The following TTC12 variants were observed in gnomAD, a reference collection of about 807,000 sequenced individuals.
TTC12 encodes the protein tetratricopeptide repeat protein 12.
Under a neutral mutation model 90.1 loss-of-function variants are expected in TTC12, and 70 were observed. The ratio of observed to expected loss-of-function variants is 0.78; its 90% CI spans 0.64 to 0.95. The LOEUF is 0.95. Among genes scored for constraint, TTC12 ranks in the 40% least tolerant of loss-of-function variants. The probability of loss-of-function intolerance (pLI) is 0.00; values close to 1 mark genes in which losing one functional copy is unlikely to be tolerated. For missense variants in TTC12, 819 were observed against 846.1 expected (o/e 0.97, Z 0.40); for synonymous variants, 296 against 311.5 (o/e 0.95, Z 0.53).
chr11:113,341,397 A>G (rs1247636823), intron 11 of TTC12, among the ~76,000 whole-genome samples: 9 of 151,170 alleles, frequency 6.0e-5, no homozygotes, highest in Admixed American at 5.5e-4. Flanking sequence ...TCAAGAAGTG[A>G]TATAAATATA....
chr11:113,357,976 G>A (rs1238268029), intron 16 of TTC12, among the ~76,000 whole-genome samples: 11 of 152,226 alleles, frequency 7.2e-5, no homozygotes, highest in Admixed American at 2.0e-4. Context: ...GCCTCCCTGC[G>A]GGTGTTTGCC....
chr11:113,314,718 G>A (rs1178923771), intron 1 of TTC12, 100 bp downstream of exon 1: 2 of 152,920 alleles, frequency 1.3e-5, no homozygotes, highest in African/African-American at 4.8e-5. Flanking sequence ...CAGAGCATGG[G>A]AAGGTCTTGG....
At position 113,366,302 on chromosome 11, in the gene TTC12, A is replaced by G; in HGVS notation, c.*2A>G. On this transcript the variant is annotated 3_prime_UTR_variant, in exon 22 of 22. Transcript: ENST00000529221. ...ATGAAATACATCAGTGATTCTTGAG[A>G]GAGACAGGGTTTGTGTGCATTTGGG... 1.2e-6 allele frequency: 2 copies of G among 1,613,508 alleles called. No homozygotes were observed. Among genetic ancestry groups the G allele is most frequent in the Non-Finnish European group, 8.5e-7 (1 of 1,180,010 alleles).
rs370192944 is a variant in TTC12 at position 113,338,866 on chromosome 11, G to A, written c.637+32G>A. ...ACGTTCCTGCTGAGGTCCTTCATCT[G>A]AACTCCACCTCCCTCTGCCCCCTGC... is the stretch of plus-strand genomic sequence containing the variant. On this transcript the variant is annotated intron_variant, in intron 9 of 21. Coordinates refer to ENST00000529221, the MANE Select transcript of TTC12 (RefSeq NM_017868.4). 337 of 1,598,034 alleles carry A rather than the reference G, an allele frequency of 2.1e-4. 1 individual carries two copies. The highest frequency in any genetic ancestry group is 2.7e-4 in the Non-Finnish European group (315 of 1,165,614).
chr11:113,349,205 C>T lies in TTC12; in HGVS notation c.1155-868C>T, dbSNP rs149480665. 7.1e-3 allele frequency among the ~76,000 whole-genome samples: 1,075 copies of T among 152,212 alleles called. 10 individuals are homozygous for T. Among genetic ancestry groups the T allele is most frequent in the African/African-American group, 0.024 (1,000 of 41,562 alleles). On this transcript the variant is annotated intron_variant, in intron 13 of 21. Transcript: ENST00000529221. ...CATCTATTGAAGGCTTCTTCACTTC[C>T]ATGCCCACACCTTCCACCAGTGAGA...
chr11:113,359,738 G>A (rs1014106153), intron 17 of TTC12, among the ~76,000 whole-genome samples: 1 of 152,172 alleles, frequency 6.6e-6, no homozygotes. Context: ...AATAAAAGGC[G>A]GTTCCTGCTA....
chr11:113,324,979 G>T (rs964312009), intron 5 of TTC12, among the ~76,000 whole-genome samples: 1 of 152,180 alleles, frequency 6.6e-6, no homozygotes, highest in Non-Finnish European at 1.5e-5. Context: ...GTAGTGGGGG[G>T]TGAGAGTGAG....
intron 21 of TTC12, among the ~76,000 whole-genome samples, chr11:113,371,891 A>G (rs1950395721): frequency 2.0e-5 from 3 of 152,218 alleles, no homozygotes; most frequent in South Asian, 4.1e-4. Flanking sequence ...GATGATTTCT[A>G]TAAAGCTCTC....
intron 13 of TTC12, among the ~76,000 whole-genome samples, chr11:113,346,464 G>A (rs539267469): frequency 7.9e-5 from 12 of 152,176 alleles, no homozygotes; most frequent in Non-Finnish European, 1.2e-4. Context: ...GCTTAAAGAC[G>A]TCGAGGTCCA....
In TTC12 at chr11:113,364,923, G is replaced by A. The variant is rs1190148284; in HGVS notation, c.1905G>A (p.Val635=). 5.6e-6 allele frequency: 9 copies of A among 1,614,170 alleles called. No individual in the cohort carries two copies. Among genetic ancestry groups the A allele is most frequent in the Non-Finnish European group, 7.6e-6 (9 of 1,180,018 alleles). ...AALCLGNCME[V]PNVASSLLKT... is the part of the protein sequence containing the mutation. ...TCTGCCTTGGTAACTGCATGGAGGT[G>A]CCCAACGTTGCGTCTTCCCTGCTAA... The change falls in exon 21 of 22, where the codon GTG becomes GTA. Residue 635 remains valine (V), a synonymous_variant. Coordinates refer to ENST00000529221, the MANE Select transcript of TTC12 (RefSeq NM_017868.4).
intron 21 of TTC12, chr11:113,365,595 G>A (rs535836244): frequency 5.4e-6 from 1 of 184,968 alleles, no homozygotes; most frequent in South Asian, 1.2e-4. Context: ...GGCAAGAGAT[G>A]TGGGCTGTAA....
downstream of TTC12, among the ~76,000 whole-genome samples, chr11:113,369,993 C>T (rs905203655): frequency 1.3e-5 from 2 of 152,164 alleles, no homozygotes; most frequent in Non-Finnish European, 2.9e-5. Context: ...ACATGAAGAT[C>T]CCCCAAGAGC....
At chr11:113,372,908 A>G (rs1950422820) in intron 21 of TTC12, among the ~76,000 whole-genome samples, 2 of 152,064 alleles carry the variant, frequency 1.3e-5, no homozygotes, top group Non-Finnish European at 2.9e-5. Context: ...CCACCATACC[A>G]TCTCTCCTCT....
chr11:113,360,711 C>T lies in TTC12; in HGVS notation c.1614+703C>T, dbSNP rs139275098. Among the ~76,000 whole-genome samples the T allele has an allele frequency of 2.6e-3, 395 of 152,246 alleles. 1 individual carries two copies. Among genetic ancestry groups the T allele is most frequent in the Non-Finnish European group, 3.5e-3 (239 of 68,020 alleles). Reference sequence around the variant, plus strand: ...TAATGGCTAGGGAAGCAATTAGGGCCACATCTAGGGTGGGTCTGGGAAACC... The same window carrying T: ...TAATGGCTAGGGAAGCAATTAGGGCTACATCTAGGGTGGGTCTGGGAAACC... On this transcript the variant is annotated intron_variant, in intron 18 of 21. Transcript: ENST00000529221.
At chr11:113,362,311 C>T (rs975208015) in intron 18 of TTC12, 90 bp from the exon 19 acceptor site, 3 of 884,530 alleles carry the variant, frequency 3.4e-6, no homozygotes, top group East Asian at 2.4e-5. Flanking sequence ...ATAATGATTG[C>T]TTTTGCCTCA....
Position 113,329,913 on chromosome 11 carries a change from A to G in TTC12, c.445-7A>G, listed in dbSNP as rs782697016. The G allele has an allele frequency of 1.9e-6, 3 of 1,613,208 alleles. No individual in the cohort carries two copies. Among genetic ancestry groups the G allele is most frequent in the Middle Eastern group, 1.6e-4 (1 of 6,062 alleles). The stretch of plus-strand genomic sequence containing the variant: ...TGTGTGAATATCAGCTGTTGGTTTC[A>G]TTACAGGCTTATATGAAACTTGAGG... On this transcript the variant is annotated splice_polypyrimidine_tract_variant and splice_region_variant and intron_variant, in intron 6 of 21. Coordinates refer to ENST00000529221, the MANE Select transcript of TTC12 (RefSeq NM_017868.4).
intron 16 of TTC12, among the ~76,000 whole-genome samples, chr11:113,359,152 C>A (rs565836927): frequency 1.3e-5 from 2 of 152,116 alleles, no homozygotes; most frequent in East Asian, 1.9e-4. Flanking sequence ...CAGCCATAGT[C>A]CCATGGCAGA....
At chr11:113,354,054 G>A (rs191514459) in intron 16 of TTC12, among the ~76,000 whole-genome samples, 1 of 152,306 alleles carries the variant, frequency 6.6e-6, no homozygotes, top group East Asian at 1.9e-4. Flanking sequence ...ACTTTAGGCA[G>A]TATGGCCATT....
chr11:113,343,517 C>T (rs1462682907), intron 12 of TTC12, among the ~76,000 whole-genome samples: 1 of 152,140 alleles, frequency 6.6e-6, no homozygotes, highest in Non-Finnish European at 1.5e-5. Context: ...CTAGAAGAGA[C>T]CTGGTGTGTG....
Sources: gnomAD v4.1 joint callset for allele counts (sites outside exome capture counted in the v4.1 genomes callset) on GRCh38, gnomAD v4.1.1 for gene constraint, MANE v1.5 for transcripts, NCBI Gene and HGNC (gene_info 2026-07-23, HGNC 2026-07-21) for gene names.